DQX1: variants seen among roughly 807,000 people sequenced by gnomAD.
DQX1 encodes the protein DEAQ-box RNA dependent ATPase 1.
A neutral mutation model predicts 81.3 loss-of-function variants in DQX1; 66 were observed. That is an observed-to-expected ratio of 0.81 (90% confidence interval 0.67 to 1.00). DQX1 has a LOEUF of 1.00. DQX1 is among the 50% of genes least tolerant of loss of function. The pLI is 0.00. For synonymous variants in DQX1, 290 were observed against 350.0 expected (o/e 0.83, Z 1.91); for missense variants, 798 against 867.9 (o/e 0.92, Z 1.01).
At position 74,524,877 on chromosome 2, in the gene DQX1, T is replaced by C. The variant is rs183735710; in HGVS notation, c.431+132A>G. 578 of 1,225,244 alleles carry C rather than the reference T, an allele frequency of 4.7e-4. 4 individuals carry two copies. In the East Asian group the frequency reaches 0.012, roughly 26 times the overall value. The allele number at this position is 1,225,244 out of a possible 1,614,324, so 75.9% of individuals were successfully genotyped here. A position where few individuals can be genotyped will look rare whatever the true frequency, so the allele number is the denominator to read the frequency against. ...CAGCCTGGGTGACAGAGTGAGACCC[T>C]TTCTCCAAAATAAATAAAATAAAAA... On this transcript the variant is annotated intron_variant, in intron 3 of 11. Coordinates refer to ENST00000404568, the MANE Select transcript of DQX1 (RefSeq NM_133637.3).
intron 4 of DQX1, 189 bp from the exon 5 acceptor site, chr2:74,523,726 G>A: frequency 2.0e-6 from 2 of 1,006,326 alleles, no homozygotes; most frequent in South Asian, 1.7e-5. Flanking sequence ...GAATAAAAAA[G>A]TGAGTGGTAA....
chr2:74,518,968 C>G (rs1674956211), intron 11 of DQX1, 72 bp downstream of exon 11: 1 of 1,412,130 alleles, frequency 7.1e-7, no homozygotes, highest in African/African-American at 1.4e-5. Flanking sequence ...CTCTGTCTCT[C>G]TAACTCCCCA....
chr2:74,525,734 G>A lies in DQX1; in HGVS notation c.-5C>T. The A allele has an allele frequency of 6.5e-7, 1 of 1,550,042 alleles. No individual in the cohort carries two copies. The highest frequency in any genetic ancestry group is 1.2e-5 in the South Asian group (1 of 83,988). On this transcript the variant is annotated 5_prime_UTR_variant, in exon 2 of 12. Coordinates refer to ENST00000404568, the MANE Select transcript of DQX1 (RefSeq NM_133637.3). This position sits in a 1 kb window ranked among gnomAD's most constrained non-coding sequence, Gnocchi z 4.1. ...CCTGAGAGGCTGAGAGGTCATGGTG[G>A]CTCTCTGGCAGGACCTGCAGAAGGC...
intron 4 of DQX1, 69 bp downstream of exon 4, chr2:74,523,851 AGAT>A (rs1467201440): frequency 6.0e-5 from 88 of 1,459,150 alleles, no homozygotes; most frequent in Admixed American, 5.9e-4. Context: ...CAGGACTGGA[AGAT>A]GATGATGAGT....
chr2:74,523,809 TC>T, intron 4 of DQX1, 113 bp downstream of exon 4: 1 of 1,394,898 alleles, frequency 7.2e-7, no homozygotes, highest in Non-Finnish European at 9.5e-7. Flanking sequence ...ACTCTACTGT[TC>T]CTAAGAGGCA....
intron 3 of DQX1, among the ~76,000 whole-genome samples, chr2:74,524,669 T>G (rs1319629400): frequency 2.6e-5 from 4 of 151,798 alleles, no homozygotes; most frequent in Non-Finnish European, 4.4e-5. Flanking sequence ...GAGACCGAGG[T>G]GGGTGGATCA....
intron 3 of DQX1, 81 bp downstream of exon 3, chr2:74,524,928 A>G: frequency 2.7e-6 from 4 of 1,475,382 alleles, no homozygotes; most frequent in Non-Finnish European, 3.7e-6. Flanking sequence ...AAGGGAGGGT[A>G]TGGTGAGATG....
At position 74,524,188 on chromosome 2, in the gene DQX1, C is replaced by A. The variant is rs757655217; in HGVS notation, c.551G>T (p.Gly184Val). 6.2e-7 allele frequency: 1 copy of A among 1,614,088 alleles called. No homozygotes were observed. The highest frequency in any genetic ancestry group is 1.7e-5 in the Admixed American group (1 of 60,010). ...ERSVASDSLQ[G>V]LLQDARLEKL... ...TTCCAGCCTGGCATCTTGCAGTAGC[C>A]CCTGGAGTGAATCTGATGCCACCGA... is the stretch of plus-strand genomic sequence containing the variant. Residue 184 changes from glycine (G) to valine (V), a missense_variant, in exon 4 of 12, where the codon GGG (glycine) becomes GTG (valine). Physicochemically the swap from Gly to Val is moderately radical, Grantham distance 109. Coordinates refer to ENST00000404568, the MANE Select transcript of DQX1 (RefSeq NM_133637.3).
In DQX1 at chr2:74,518,383, G is replaced by A; in HGVS notation, c.*63C>T. ...TCTAAATCTGTCTGGGTGCTTTGGT[G>A]TCACCCTGAGGGATAATCTAATGTG... On this transcript the variant is annotated 3_prime_UTR_variant, in exon 12 of 12. Coordinates refer to ENST00000404568, the MANE Select transcript of DQX1 (RefSeq NM_133637.3). The A allele has an allele frequency of 1.9e-6, 3 of 1,571,770 alleles. No homozygotes were observed. The highest frequency in any genetic ancestry group is 2.3e-5 in the South Asian group (2 of 86,696).
Position 74,525,080 on chromosome 2 carries a change from G to T in DQX1, c.360C>A (p.Asp120Glu). 6.2e-7 allele frequency: 1 copy of T among 1,614,132 alleles called. No individual in the cohort carries two copies. Among genetic ancestry groups the T allele is most frequent in the Non-Finnish European group, 8.5e-7 (1 of 1,180,016 alleles). Residue 120 changes from aspartate to glutamate, a missense_variant, in exon 3 of 12, where the codon GAC becomes GAA. Asp to Glu is a conservative substitution (Grantham distance 45). Transcript: ENST00000404568. This position sits in a 1 kb window ranked among gnomAD's most constrained non-coding sequence, Gnocchi z 4.1. ...ATCCAACCTCATGACCCAGGGTCAGGTCCATCTCATCAGCAACCCGCAGAG... is the reference window on the plus strand; with the variant it reads ...ATCCAACCTCATGACCCAGGGTCAGTTCCATCTCATCAGCAACCCGCAGAG... ...SLALRVADEMDLTLGHEVGYS... is the reference protein window; with the variant it reads ...SLALRVADEMELTLGHEVGYS...
At chr2:74,521,752 CCT>C (rs1297616587) in intron 8 of DQX1, among the ~76,000 whole-genome samples, 6 of 134,140 alleles carry the variant, frequency 4.5e-5, no homozygotes, top group African/African-American at 7.5e-5. Context: ...CCCCTCTCCC[CCT>C]CTTTCCCTCT....
intron 4 of DQX1, 40 bp downstream of exon 4, chr2:74,523,883 A>G: frequency 1.3e-6 from 2 of 1,490,900 alleles, no homozygotes; most frequent in Non-Finnish European, 1.8e-6. Context: ...TTGCAGGCTC[A>G]TTTTGCAGGC....
At position 74,519,136 on chromosome 2, in the gene DQX1, C is replaced by G; in HGVS notation, c.1901G>C (p.Arg634Thr). 6.2e-7 allele frequency: 1 copy of G among 1,613,568 alleles called. No homozygotes were observed. The highest frequency in any genetic ancestry group is 1.1e-5 in the South Asian group (1 of 91,014). Reference protein sequence around the residue: ...LSSYCCYRSRRAPARPPPWVL... With the variant: ...LSSYCCYRSRTAPARPPPWVL... The stretch of plus-strand genomic sequence containing the variant: ...CCATGGTGGGGGTCTGGCAGGAGCT[C>G]TGCGGCTTCGGTAGCAGCAGTATGA... The change falls in exon 11 of 12, where the codon AGA (arginine) becomes ACA (threonine). Residue 634 changes from arginine to threonine, a missense_variant. By Grantham distance (71) the Arg-to-Thr change is moderately conservative. Coordinates refer to ENST00000404568, the MANE Select transcript of DQX1 (RefSeq NM_133637.3).
rs1675173976 is a variant in DQX1, at chr2:74,526,068, G to A, written c.-20+68C>T. On this transcript the variant is annotated intron_variant, in intron 1 of 11. Coordinates refer to ENST00000404568, the MANE Select transcript of DQX1 (RefSeq NM_133637.3). ...AGTAACCTGTGGGAAAGTCCTGAAG[G>A]GAAAAGGATAAAGAATATAGGGGGT... is the stretch of plus-strand genomic sequence containing the variant. 15 of 286,528 alleles carry A rather than the reference G, an allele frequency of 5.2e-5. No homozygotes were observed. The South Asian group carries it at 6.7e-4, about 13-fold the overall frequency. The allele number at this position is 286,528 out of a possible 1,614,324, so 17.7% of individuals were successfully genotyped here.
intron 10 of DQX1, 49 bp from the exon 11 acceptor site, chr2:74,519,279 A>C (rs775252493): frequency 1.1e-5 from 16 of 1,514,178 alleles, no homozygotes; most frequent in Admixed American, 4.5e-5. Context: ...GGGAAGAGGC[A>C]GGCAGTAGAA....
rs1273987333 is a variant in DQX1, at chr2:74,518,228, C to T, written c.*218G>A. ...AGGAGCATGTCAGTCCCTCTCCAATCAATAAGAGAAGGCTAAGGAAAGAGT... is the reference window on the plus strand; with the variant it reads ...AGGAGCATGTCAGTCCCTCTCCAATTAATAAGAGAAGGCTAAGGAAAGAGT... On this transcript the variant is annotated 3_prime_UTR_variant, in exon 12 of 12. Transcript: ENST00000404568. 7.8e-6 allele frequency: 4 copies of T among 511,784 alleles called. No individual in the cohort carries two copies. Among genetic ancestry groups the T allele is most frequent in the Non-Finnish European group, 6.8e-6 (2 of 295,496 alleles). The allele number at this position is 511,784 out of a possible 1,614,324, so 31.7% of individuals were successfully genotyped here. A position where few individuals can be genotyped will look rare whatever the true frequency, so the allele number is the denominator to read the frequency against.
chr2:74,525,382 A>C lies in DQX1; in HGVS notation c.237+111T>G, dbSNP rs1343861619. The stretch of plus-strand genomic sequence containing the variant: ...CTTCGTTCACCTTCCTCATGACCCC[A>C]CGCAGCCCAGTCCCCCCTTGCCCAG... On this transcript the variant is annotated intron_variant, in intron 2 of 11. Coordinates refer to ENST00000404568, the MANE Select transcript of DQX1 (RefSeq NM_133637.3). The surrounding 1 kb of genome is among the most constrained non-coding windows in gnomAD (Gnocchi z 4.1). The C allele has an allele frequency of 1.5e-6, 2 of 1,305,862 alleles. No individual in the cohort carries two copies. Among genetic ancestry groups the C allele is most frequent in the African/African-American group, 3.0e-5 (2 of 67,728 alleles). 80.9% of individuals were successfully genotyped at this position (1,305,862 alleles called of 1,614,324 possible).
Position 74,525,487 on chromosome 2 carries a change from C to A in DQX1, c.237+6G>T. The stretch of plus-strand genomic sequence containing the variant: ...AATCTGCCTGCCCCCACAACCCCCA[C>A]CACACCTGGGTGCTCTTGCCAGAAC... On this transcript the variant is annotated splice_donor_region_variant and intron_variant, in intron 2 of 11. Transcript: ENST00000404568. The surrounding 1 kb of genome is among the most constrained non-coding windows in gnomAD (Gnocchi z 4.1). The A allele has an allele frequency of 6.4e-7, 1 of 1,551,970 alleles. No individual in the cohort carries two copies. The highest frequency in any genetic ancestry group is 8.7e-7 in the Non-Finnish European group (1 of 1,147,056).
Position 74,522,668 on chromosome 2 carries a change from A to C in DQX1, c.1407T>G (p.Pro469=), listed in dbSNP as rs1009506028. The change falls in exon 8 of 12, where the codon CCT becomes CCG. Residue 469 remains proline, a synonymous_variant. Transcript: ENST00000404568. Reference sequence around the variant, plus strand: ...GGGCTTTGGCCAGCTCAGGGGCCAGAGGGAATTCTGATAGTATGACACCCA... The same window carrying C: ...GGGCTTTGGCCAGCTCAGGGGCCAGCGGGAATTCTGATAGTATGACACCCA... ...SDLGVILSEF[P]LAPELAKALL... 3.1e-6 allele frequency: 5 copies of C among 1,614,104 alleles called. No individual in the cohort carries two copies. The highest frequency in any genetic ancestry group is 2.7e-5 in the African/African-American group (2 of 74,936).
Sources: gnomAD v4.1 joint callset for allele counts (sites outside exome capture counted in the v4.1 genomes callset) on GRCh38, gnomAD v4.1.1 for gene constraint, Gnocchi (gnomAD v3.1) non-coding constraint, MANE v1.5 for transcripts, NCBI Gene and HGNC (gene_info 2026-07-23, HGNC 2026-07-21) for gene names.